DISP1: variants seen among roughly 807,000 people sequenced by gnomAD.
DISP1 encodes protein dispatched homolog 1.
Under a neutral mutation model 37.3 loss-of-function variants are expected in DISP1, and 30 were observed. The ratio of observed to expected loss-of-function variants is 0.80; its 90% CI spans 0.60 to 1.09. DISP1 has a LOEUF of 1.09. Among genes scored for constraint, DISP1 ranks in the 50% least tolerant of loss-of-function variants. DISP1 has a pLI of 0.00. For synonymous variants in DISP1, 634 were observed against 690.2 expected (o/e 0.92, Z 1.28); for missense variants, 1,598 against 1,879.5 (o/e 0.85, Z 2.77).
intron 1 of DISP1, among the ~76,000 whole-genome samples, chr1:222,902,536 A>T (rs1167343687): frequency 2.0e-5 from 3 of 152,166 alleles, no homozygotes; most frequent in African/African-American, 7.2e-5. Context: ...AATGGGAGAA[A>T]ATTTTCGCAA....
intron 1 of DISP1, among the ~76,000 whole-genome samples, chr1:222,894,585 T>A (rs1216762359): frequency 6.6e-6 from 1 of 152,196 alleles, no homozygotes; most frequent in Non-Finnish European, 1.5e-5. Context: ...AGCAGTCACT[T>A]CCAAGCCTGT....
intron 4 of DISP1, among the ~76,000 whole-genome samples, chr1:222,984,015 G>A (rs1678034038): frequency 1.3e-5 from 2 of 152,086 alleles, no homozygotes; most frequent in Admixed American, 6.5e-5. Flanking sequence ...TGCCTCAAGG[G>A]AGTTATCCTG....
At chr1:222,952,778 C>T (rs190695544) in intron 3 of DISP1, among the ~76,000 whole-genome samples, 3,248 of 152,156 alleles carry the variant, frequency 0.021, 43 homozygotes, top group Middle Eastern at 0.041. Flanking sequence ...TGAACCTGGG[C>T]GGTGGTTGCA....
chr1:222,935,579 C>A (rs184188200), intron 2 of DISP1, among the ~76,000 whole-genome samples: 2 of 152,100 alleles, frequency 1.3e-5, no homozygotes, highest in African/African-American at 4.8e-5. Flanking sequence ...CAAGTGAGAT[C>A]ATTTGTGAGA....
rs756843012 is a variant in DISP1 at position 223,005,539 on chromosome 1, T to A, written c.4142T>A (p.Ile1381Lys). The A allele has an allele frequency of 1.2e-6, 2 of 1,614,042 alleles. No homozygotes were observed. The highest frequency in any genetic ancestry group is 3.3e-5 in the Admixed American group (2 of 60,022). Residue 1381 changes from isoleucine (I) to lysine (K), a missense_variant, in exon 9 of 9, where the codon ATA becomes AAA. By Grantham distance (102) the Ile-to-Lys change is moderately radical (BLOSUM62 -3). Coordinates refer to ENST00000675850, the MANE Select transcript of DISP1 (RefSeq NM_001377229.1). ...KTNVHSLQRSIEEHLPKMAEP... is the reference protein window; with the variant it reads ...KTNVHSLQRSKEEHLPKMAEP... ...AATGTACACAGTCTTCAGAGGAGCA[T>A]AGAAGAGCATCTTCCAAAGATGGCA...
At position 223,003,104 on chromosome 1, in the gene DISP1, T is replaced by G. The variant is rs1419457586; in HGVS notation, c.1707T>G (p.Ile569Met). The G allele has an allele frequency of 6.2e-7, 1 of 1,614,226 alleles. No individual in the cohort carries two copies. The highest frequency in any genetic ancestry group is 1.7e-5 in the Admixed American group (1 of 60,024). ...NLTALIILVG[I>M]GADDAFVLCD... ...CTGCCCTCATTATTTTGGTTGGAAT[T>G]GGAGCAGATGATGCTTTTGTCCTGT... Residue 569 changes from isoleucine (I) to methionine (M), a missense_variant, in exon 9 of 9, where the codon ATT becomes ATG. Ile to Met is a conservative substitution (Grantham distance 10). Transcript: ENST00000675850. This position sits in a 1 kb window ranked among gnomAD's most constrained non-coding sequence, Gnocchi z 4.3.
At chr1:222,949,027 C>A (rs1364219424) in intron 3 of DISP1, among the ~76,000 whole-genome samples, 1 of 152,042 alleles carries the variant, frequency 6.6e-6, no homozygotes, top group East Asian at 1.9e-4. Context: ...TTTAATAAAT[C>A]TTTCTAAAAG....
At chr1:222,841,943 G>A (rs1482185295) in intron 1 of DISP1, among the ~76,000 whole-genome samples, 2 of 152,068 alleles carry the variant, frequency 1.3e-5, no homozygotes, top group Non-Finnish European at 2.9e-5. Context: ...AGAGGGATTG[G>A]AATTTTAGAC....
intron 3 of DISP1, among the ~76,000 whole-genome samples, chr1:222,976,268 C>T (rs1255233887): frequency 1.3e-5 from 2 of 151,854 alleles, no homozygotes; most frequent in Non-Finnish European, 1.5e-5. Flanking sequence ...TTTATTAGGT[C>T]GATATTAAAA....
At chr1:222,935,931 C>T (rs910299520) in intron 2 of DISP1, among the ~76,000 whole-genome samples, 1 of 152,182 alleles carries the variant, frequency 6.6e-6, no homozygotes, top group Non-Finnish European at 1.5e-5. Flanking sequence ...TCATGTGCCA[C>T]ATAAAGACAT....
At position 222,990,822 on chromosome 1, in the gene DISP1, T is replaced by C. The variant is rs560952997; in HGVS notation, c.663+74T>C. ...GTGTATTTTAATACATGTTGCATTA[T>C]GTTATTTAGTAACCCATTTCTTTAA... On this transcript the variant is annotated intron_variant, in intron 5 of 8. Transcript: ENST00000675850. 64 of 1,577,656 alleles carry C rather than the reference T, an allele frequency of 4.1e-5. 1 individual carries two copies. In the South Asian group the frequency reaches 6.5e-4, roughly 16 times the overall value.
Position 223,004,263 on chromosome 1 carries a change from A to T in DISP1, c.2866A>T (p.Ser956Cys), listed in dbSNP as rs952101465. The T allele has an allele frequency of 7.4e-6, 12 of 1,613,988 alleles. No individual in the cohort carries two copies. The Middle Eastern group carries it at 6.6e-4, about 88-fold the overall frequency. ...GGACTCGTGGATATCCAGTGAGCTG[A>T]GTTCGGCCCCTGAAGGCCTCAGCAA... Reference protein sequence around the residue: ...EVDSWISSELSSAPEGLSNGW... With the variant: ...EVDSWISSELCSAPEGLSNGW... Residue 956 changes from serine to cysteine, a missense_variant, in exon 9 of 9, where the codon AGT (serine) becomes TGT (cysteine). Physicochemically the swap from Ser to Cys is moderately radical, Grantham distance 112 (BLOSUM62 -1). Coordinates refer to ENST00000675850, the MANE Select transcript of DISP1 (RefSeq NM_001377229.1). This position sits in a 1 kb window ranked among gnomAD's most constrained non-coding sequence, Gnocchi z 4.9.
At position 222,887,486 on chromosome 1, in the gene DISP1, G is replaced by GTTTTTTTTTT. The variant is rs940346379; in HGVS notation, c.-158-40930_-158-40921dup. Reference sequence around the variant, plus strand: ...AATTTATAAATGTCACATTGTTTTTGTTTTTTTTTTTTTTTTTTTTTTTGA... The same window carrying GTTTTTTTTTT: ...AATTTATAAATGTCACATTGTTTTTGTTTTTTTTTTTTTTTTTTTTTTTTTTTTTTTTTGA... On this transcript the variant is annotated intron_variant, in intron 1 of 8. Transcript: ENST00000675850. 5.7e-4 allele frequency among the ~76,000 whole-genome samples: 47 copies of GTTTTTTTTTT among 83,104 alleles called. 1 individual carries two copies. The highest frequency in any genetic ancestry group is 1.4e-3 in the South Asian group (3 of 2,200). The allele number at this position is 83,104 out of a possible 152,430, so 54.5% of individuals were successfully genotyped here.
chr1:222,950,459 G>A (rs898088033), intron 3 of DISP1, among the ~76,000 whole-genome samples: 1 of 152,096 alleles, frequency 6.6e-6, no homozygotes, highest in Admixed American at 6.6e-5. Flanking sequence ...AATTAGCTGG[G>A]CGTGGTGGTG....
At chr1:222,842,119 G>A (rs988733055) in intron 1 of DISP1, among the ~76,000 whole-genome samples, 2 of 152,034 alleles carry the variant, frequency 1.3e-5, no homozygotes, top group Admixed American at 1.3e-4. Flanking sequence ...CTCTAGTCTA[G>A]TTTAAGTTTG....
chr1:222,909,771 C>T (rs992113928), intron 1 of DISP1, among the ~76,000 whole-genome samples: 4 of 152,230 alleles, frequency 2.6e-5, no homozygotes, highest in Non-Finnish European at 5.9e-5. Flanking sequence ...TCTGAGCCTG[C>T]CAAGCTCCTG....
intron 1 of DISP1, among the ~76,000 whole-genome samples, chr1:222,849,971 G>A (rs967074766): frequency 5.3e-5 from 8 of 152,088 alleles, no homozygotes; most frequent in Admixed American, 2.6e-4. Context: ...TGTGGACATG[G>A]CTAATAAAGA....
intron 8 of DISP1, among the ~76,000 whole-genome samples, chr1:223,001,031 G>A (rs1442771069): frequency 1.3e-5 from 2 of 152,154 alleles, no homozygotes; most frequent in Non-Finnish European, 2.9e-5. Context: ...TCAGGCTCAG[G>A]AGAAGAGGAA....
intron 3 of DISP1, among the ~76,000 whole-genome samples, chr1:222,959,061 AC>A (rs1675831409): frequency 6.6e-6 from 1 of 152,128 alleles, no homozygotes; most frequent in Non-Finnish European, 1.5e-5. Flanking sequence ...TAACAAAGTT[AC>A]CTTTCTAAGA....
Sources: allele counts gnomAD v4.1 joint callset (sites outside exome capture counted in the v4.1 genomes callset), GRCh38; gene constraint gnomAD v4.1.1; non-coding constraint Gnocchi (gnomAD v3.1); transcripts MANE v1.5; gene names NCBI Gene and HGNC (gene_info 2026-07-23, HGNC 2026-07-21).